DAAM1: variants seen among roughly 807,000 people sequenced by gnomAD.
DAAM1 encodes dishevelled associated activator of morphogenesis 1.
DAAM1 carries 52 observed loss-of-function variants against 130.0 expected under a neutral mutation model. The ratio of observed to expected loss-of-function variants is 0.40; its 90% CI spans 0.32 to 0.50. The LOEUF is 0.50. Ranked by LOEUF, DAAM1 falls within the 20% of genes least tolerant of loss-of-function variation. The pLI is 0.61. For missense variants in DAAM1, 1,134 were observed against 1,303.8 expected, an observed-to-expected ratio of 0.87 and a Z score of 2.01; for synonymous variants, 452 against 444.5, an observed-to-expected ratio of 1.02 and a Z score of -0.21.
intron 15 of DAAM1, among the ~76,000 whole-genome samples, chr14:59,333,428 AG>A (rs1203673854): frequency 5.3e-5 from 8 of 152,258 alleles, no homozygotes; most frequent in African/African-American, 1.9e-4. Flanking sequence ...AGTTGTCTTT[AG>A]AGTCCTCACG....
chr14:59,223,651 T>C (rs748992292), intron 1 of DAAM1, among the ~76,000 whole-genome samples: 6 of 152,192 alleles, frequency 3.9e-5, no homozygotes, highest in Non-Finnish European at 7.4e-5. Flanking sequence ...TAGCAGCTCT[T>C]TGGGTCACTC....
Position 59,368,642 on chromosome 14 carries a change from A to T in DAAM1, c.2998-8A>T. 4 of 1,609,474 alleles carry T rather than the reference A, an allele frequency of 2.5e-6. No homozygotes were observed. The highest frequency in any genetic ancestry group is 3.4e-6 in the Non-Finnish European group (4 of 1,177,744). ...TGTCTCAAAGAGGTTATTTCTTTCTATTTGCAGCTCAAAGAACAACGTGAA... is the reference window on the plus strand; with the variant it reads ...TGTCTCAAAGAGGTTATTTCTTTCTTTTTGCAGCTCAAAGAACAACGTGAA... On this transcript the variant is annotated splice_region_variant and splice_polypyrimidine_tract_variant and intron_variant, in intron 24 of 24. Coordinates refer to ENST00000360909, the MANE Select transcript of DAAM1 (RefSeq NM_001270520.2).
chr14:59,310,862 T>C (rs1884560377), intron 3 of DAAM1, among the ~76,000 whole-genome samples: 1 of 152,188 alleles, frequency 6.6e-6, no homozygotes, highest in South Asian at 2.1e-4. Flanking sequence ...TGCTTCAGCC[T>C]GTGATTTGTG....
At chr14:59,249,914 A>G (rs924545001) in intron 1 of DAAM1, among the ~76,000 whole-genome samples, 2 of 152,208 alleles carry the variant, frequency 1.3e-5, no homozygotes, top group African/African-American at 4.8e-5. Context: ...TGGAAATTAT[A>G]TTGAATTCAG....
chr14:59,221,128 C>G (rs929218034), intron 1 of DAAM1, among the ~76,000 whole-genome samples: 1 of 152,192 alleles, frequency 6.6e-6, no homozygotes, highest in East Asian at 1.9e-4. Flanking sequence ...TACAATGATC[C>G]TGTGTACAAC....
chr14:59,213,349 CAAA>C (rs35496333), intron 1 of DAAM1, among the ~76,000 whole-genome samples: 5,917 of 69,376 alleles, frequency 0.085, 48 homozygotes, highest in Non-Finnish European at 0.12. Context: ...CACAGCTTAC[CAAA>C]AAAAAAAAAA....
intron 3 of DAAM1, among the ~76,000 whole-genome samples, chr14:59,304,200 G>A (rs908509495): frequency 7.2e-5 from 11 of 152,292 alleles, no homozygotes; most frequent in African/African-American, 2.6e-4. Flanking sequence ...CATCAATATG[G>A]AAAGAAATGG....
rs202107366 is a variant in DAAM1 at position 59,363,712 on chromosome 14, G to A, written c.2756G>A (p.Ser919Asn). Residue 919 changes from serine to asparagine, a missense_variant, in exon 23 of 25, where the codon AGC becomes AAC. This residue lies in a region of DAAM1 where 644 missense variants were observed against 695.9 expected (regional missense o/e 0.93). Transcript: ENST00000360909. ...QPGDKFVSVV[S>N]QFITVASFSF... ...GGAGATAAGTTTGTGTCTGTTGTCAGCCAGTTCATCACAGTAGCCAGCTTC... is the reference window on the plus strand; with the variant it reads ...GGAGATAAGTTTGTGTCTGTTGTCAACCAGTTCATCACAGTAGCCAGCTTC... The A allele has an allele frequency of 3.5e-5, 56 of 1,614,120 alleles. No homozygotes were observed. In the East Asian group the frequency reaches 4.9e-4, roughly 14 times the overall value.
intron 2 of DAAM1, among the ~76,000 whole-genome samples, chr14:59,285,299 T>G (rs1040717727): frequency 1.3e-5 from 2 of 152,170 alleles, no homozygotes; most frequent in Non-Finnish European, 1.5e-5. Context: ...TTACAAGATC[T>G]ACTAAAGGGA....
chr14:59,323,241 G>T lies in DAAM1; in HGVS notation c.774+16G>T. ...CCGCTTTCAGGTGGGTGTTCGCTCA[G>T]CCTTCTTCACTCACCCCTTCTTTAA... On this transcript the variant is annotated intron_variant, in intron 6 of 24. Transcript: ENST00000360909. The T allele has an allele frequency of 6.4e-7, 1 of 1,573,754 alleles. No individual in the cohort carries two copies. Among genetic ancestry groups the T allele is most frequent in the Non-Finnish European group, 8.6e-7 (1 of 1,158,022 alleles).
intron 1 of DAAM1, among the ~76,000 whole-genome samples, chr14:59,233,351 T>C (rs1889174825): frequency 6.6e-6 from 1 of 152,214 alleles, no homozygotes; most frequent in Admixed American, 6.5e-5. Flanking sequence ...AGAGATGGTA[T>C]CTCATTGTGG....
At chr14:59,365,549 A>C (rs1051693186) in intron 23 of DAAM1, among the ~76,000 whole-genome samples, 1 of 152,238 alleles carries the variant, frequency 6.6e-6, no homozygotes, top group Non-Finnish European at 1.5e-5. Context: ...TTTTGTTACA[A>C]GTTTAAAGAT....
chr14:59,218,616 T>A (rs1888665723), intron 1 of DAAM1, among the ~76,000 whole-genome samples: 1 of 152,176 alleles, frequency 6.6e-6, no homozygotes, highest in Non-Finnish European at 1.5e-5. Flanking sequence ...AAGAGTGAAA[T>A]CAAGATAAAT....
At chr14:59,313,944 C>G (rs956747370) in intron 3 of DAAM1, among the ~76,000 whole-genome samples, 1 of 152,190 alleles carries the variant, frequency 6.6e-6, no homozygotes, top group African/African-American at 2.4e-5. Context: ...ACACAACTGC[C>G]TGAGTTGAGA....
Position 59,225,019 on chromosome 14 carries a change from G to GGT in DAAM1, c.-38+36251_-38+36252insGT, listed in dbSNP as rs1566656869. Among the ~76,000 whole-genome samples, 23 of 90,806 alleles carry GGT rather than the reference G, an allele frequency of 2.5e-4. 1 individual carries two copies. The highest frequency in any genetic ancestry group is 3.3e-4 in the African/African-American group (7 of 21,450). 59.6% of individuals were successfully genotyped at this position (90,806 alleles called of 152,430 possible). The stretch of plus-strand genomic sequence containing the variant: ...GACTGTAAGAAATAAATCTGTGTGG[G>GGT]TTTTTTTTTTTTTTTTTTTTTTTTT... On this transcript the variant is annotated intron_variant, in intron 1 of 24. Transcript: ENST00000360909.
chr14:59,349,643 G>C (rs1451584710), intron 17 of DAAM1, among the ~76,000 whole-genome samples: 1 of 152,158 alleles, frequency 6.6e-6, no homozygotes, highest in Non-Finnish European at 1.5e-5. Context: ...CTCCTCTCTT[G>C]CTGCTTGCAG....
intron 1 of DAAM1, among the ~76,000 whole-genome samples, chr14:59,211,168 C>T (rs1287501146): frequency 6.6e-6 from 1 of 152,094 alleles, no homozygotes; most frequent in African/African-American, 2.4e-5. Flanking sequence ...AATCTTCTTC[C>T]AAGCACAGAG....
At chr14:59,193,835 G>A (rs149528722) in intron 1 of DAAM1, among the ~76,000 whole-genome samples, 4 of 152,226 alleles carry the variant, frequency 2.6e-5, no homozygotes, top group East Asian at 1.9e-4. Flanking sequence ...CAGCTTCCAC[G>A]AAGCCTTCCC....
At chr14:59,309,156 G>A (rs1238059239) in intron 3 of DAAM1, among the ~76,000 whole-genome samples, 1 of 152,218 alleles carries the variant, frequency 6.6e-6, no homozygotes, top group Non-Finnish European at 1.5e-5. Context: ...CAAACTCCAA[G>A]TTTTAAATCT....
Sources: gnomAD v4.1 joint callset for allele counts (sites outside exome capture counted in the v4.1 genomes callset) on GRCh38, gnomAD v4.1.1 for gene constraint, gnomAD v4.1.1 regional missense constraint, MANE v1.5 for transcripts, NCBI Gene and HGNC (gene_info 2026-07-23, HGNC 2026-07-21) for gene names.